FAM168A: variants seen among roughly 807,000 people sequenced by gnomAD.
FAM168A encodes the protein protein FAM168A.
FAM168A carries 3 observed loss-of-function variants against 28.5 expected under a neutral mutation model. That is an observed-to-expected ratio of 0.11 (90% CI 0.05 to 0.27). FAM168A has a LOEUF of 0.27. Ranked by LOEUF, FAM168A falls within the 10% of genes least tolerant of loss-of-function variation. The pLI is 1.00. For synonymous variants in FAM168A, 122 were observed against 124.2 expected, an observed-to-expected ratio of 0.98 and a Z score of 0.12; for missense variants, 222 against 311.5, an observed-to-expected ratio of 0.71 and a Z score of 2.16.
intron 4 of FAM168A, 35 bp from the exon 5 acceptor site, chr11:73,411,571 T>C (rs1285467681): frequency 6.2e-7 from 1 of 1,613,288 alleles, no homozygotes; most frequent in South Asian, 1.1e-5. Context: ...TTCCAGTTAG[T>C]TGGCAGAAAA....
intron 1 of FAM168A, among the ~76,000 whole-genome samples, chr11:73,544,954 AT>A (rs1397564088): frequency 3.3e-5 from 3 of 92,282 alleles, no homozygotes; most frequent in Admixed American, 3.4e-4. Context: ...TATATAATAT[AT>A]TATATATAAT....
In FAM168A at chr11:73,406,300, AC is replaced by A. The variant is rs1243009088; in HGVS notation, c.*462del. 1 of 152,140 alleles carries A rather than the reference AC, an allele frequency of 6.6e-6. No homozygotes were observed. Among genetic ancestry groups the A allele is most frequent in the Non-Finnish European group, 1.5e-5 (1 of 68,026 alleles). The allele number at this position is 152,140 out of a possible 1,614,324, so 9.4% of individuals were successfully genotyped here. A position where few individuals can be genotyped will look rare whatever the true frequency, so the allele number is the denominator to read the frequency against. ...CTGAACTAATCTTGCTTAAGAAAAAACAACCAGAACACTCCCCTAGAGATGT... is the reference window on the plus strand; with the variant it reads ...CTGAACTAATCTTGCTTAAGAAAAAAAACCAGAACACTCCCCTAGAGATGT... On this transcript the variant is annotated 3_prime_UTR_variant, in exon 8 of 8. Coordinates refer to ENST00000356467, the MANE Select transcript of FAM168A (RefSeq NM_015159.3).
chr11:73,564,215 C>G (rs1271135392), intron 1 of FAM168A, among the ~76,000 whole-genome samples: 2 of 152,172 alleles, frequency 1.3e-5, no homozygotes, highest in South Asian at 4.1e-4. Context: ...TTACCTTGAG[C>G]CTGGTTCACA....
Position 73,400,972 on chromosome 11 carries a change from T to C in FAM168A, c.*5791A>G, listed in dbSNP as rs1401379914. On this transcript the variant is annotated 3_prime_UTR_variant, in exon 8 of 8. Coordinates refer to ENST00000356467, the MANE Select transcript of FAM168A (RefSeq NM_015159.3). ...AAAACAAAACCAGATTTACACTTCA[T>C]ACACACAGGCAAGGCCATGGGGCTT... is the stretch of plus-strand genomic sequence containing the variant. 6.6e-6 allele frequency: 1 copy of C among 152,000 alleles called. No homozygotes were observed. The highest frequency in any genetic ancestry group is 1.5e-5 in the Non-Finnish European group (1 of 67,994). The allele number at this position is 152,000 out of a possible 1,614,324, so 9.4% of individuals were successfully genotyped here.
At chr11:73,587,013 C>T (rs1944320317) in intron 1 of FAM168A, among the ~76,000 whole-genome samples, 1 of 152,062 alleles carries the variant, frequency 6.6e-6, no homozygotes, top group Non-Finnish European at 1.5e-5. Flanking sequence ...GGTTTGACAA[C>T]ATCAGCCATT....
rs538442777 is a variant in FAM168A at position 73,482,216 on chromosome 11, G to C, written c.-18-13724C>G. ...TTTTTTTTTTTTTTTTAAAGGGGGAGAATACTGAGGCATAGAGAAGGGAAG... is the reference window on the plus strand; with the variant it reads ...TTTTTTTTTTTTTTTTAAAGGGGGACAATACTGAGGCATAGAGAAGGGAAG... On this transcript the variant is annotated intron_variant, in intron 1 of 7. Transcript: ENST00000356467. Among the ~76,000 whole-genome samples, 10 of 124,978 alleles carry C rather than the reference G, an allele frequency of 8.0e-5. No homozygotes were observed. In the Admixed American group the frequency reaches 8.2e-4, roughly 10 times the overall value. 82.0% of individuals were successfully genotyped at this position (124,978 alleles called of 152,430 possible).
chr11:73,484,556 A>ATATATC (rs1868017343), intron 1 of FAM168A, among the ~76,000 whole-genome samples: 1 of 143,852 alleles, frequency 7.0e-6, no homozygotes, highest in African/African-American at 2.5e-5. Context: ...ATCTATATCT[A>ATATATC]TATATCTATA....
chr11:73,522,118 G>T (rs928417432), intron 1 of FAM168A, among the ~76,000 whole-genome samples: 1 of 151,118 alleles, frequency 6.6e-6, no homozygotes, highest in Non-Finnish European at 1.5e-5. Context: ...TACCACAGGG[G>T]TATTTTGTCA....
chr11:73,586,650 C>G (rs1242811441), intron 1 of FAM168A, among the ~76,000 whole-genome samples: 1 of 152,200 alleles, frequency 6.6e-6, no homozygotes, highest in African/African-American at 2.4e-5. Flanking sequence ...CTACTTCTTT[C>G]TCCATTCTCC....
intron 1 of FAM168A, chr11:73,580,230 C>CT (rs1817096578): frequency 1.9e-6 from 1 of 518,736 alleles, no homozygotes; most frequent in Non-Finnish European, 3.8e-6. Flanking sequence ...CTACGTCCCG[C>CT]TGCCGTCACT....
chr11:73,515,249 C>A (rs1943286548), intron 1 of FAM168A, among the ~76,000 whole-genome samples: 1 of 152,156 alleles, frequency 6.6e-6, no homozygotes, highest in Non-Finnish European at 1.5e-5. Flanking sequence ...GTGGCTCACG[C>A]CTGTAAGCCC....
chr11:73,581,069 A>G (rs1175534725), intron 1 of FAM168A, among the ~76,000 whole-genome samples: 1 of 152,242 alleles, frequency 6.6e-6, no homozygotes, highest in Non-Finnish European at 1.5e-5. Context: ...CACTTCCTGA[A>G]AGTCAGGGTC....
intron 3 of FAM168A, among the ~76,000 whole-genome samples, chr11:73,428,164 G>A (rs1057193984): frequency 3.3e-5 from 5 of 152,090 alleles, no homozygotes; most frequent in African/African-American, 1.2e-4. Flanking sequence ...CCAAAGAAGA[G>A]AACTGAGCTC....
chr11:73,440,464 T>C (rs1298805635), intron 2 of FAM168A, among the ~76,000 whole-genome samples: 2 of 151,938 alleles, frequency 1.3e-5, no homozygotes, highest in African/African-American at 4.8e-5. Context: ...GCCTGGGCAA[T>C]GTAGCGAGAC....
At chr11:73,446,834 C>T (rs1029377842) in intron 2 of FAM168A, among the ~76,000 whole-genome samples, 8 of 152,178 alleles carry the variant, frequency 5.3e-5, no homozygotes, top group African/African-American at 1.9e-4. Flanking sequence ...CTCTCCAATC[C>T]ATCCATCTCA....
intron 2 of FAM168A, among the ~76,000 whole-genome samples, chr11:73,432,437 G>GTTT (rs755649074): frequency 3.4e-4 from 52 of 151,056 alleles, no homozygotes; most frequent in Non-Finnish European, 7.5e-4. Flanking sequence ...AACAACCCTT[G>GTTT]TTTTATTATT....
intron 1 of FAM168A, among the ~76,000 whole-genome samples, chr11:73,511,398 G>A (rs1050982203): frequency 7.9e-5 from 12 of 152,024 alleles, no homozygotes; most frequent in South Asian, 4.2e-4. Flanking sequence ...CACTACGCCC[G>A]GCTAATTTTT....
intron 1 of FAM168A, among the ~76,000 whole-genome samples, chr11:73,508,886 G>A (rs1156594109): frequency 6.6e-6 from 1 of 152,192 alleles, no homozygotes; most frequent in Non-Finnish European, 1.5e-5. Flanking sequence ...AAGCCAGTAT[G>A]TGTGTAGTCA....
chr11:73,533,688 T>A (rs1240024409), intron 1 of FAM168A, among the ~76,000 whole-genome samples: 2 of 152,206 alleles, frequency 1.3e-5, no homozygotes, highest in East Asian at 1.9e-4. Context: ...AATGTATTAC[T>A]GTAACATAAA....
Sources: gnomAD v4.1 joint callset for allele counts (sites outside exome capture counted in the v4.1 genomes callset) on GRCh38, gnomAD v4.1.1 for gene constraint, MANE v1.5 for transcripts, NCBI Gene and HGNC (gene_info 2026-07-23, HGNC 2026-07-21) for gene names.